The following NRG3 variants were observed in gnomAD, a reference collection of about 807,000 sequenced individuals.
The protein encoded by NRG3 is neuregulin 3.
Under a neutral mutation model 66.9 loss-of-function variants are expected in NRG3, and 31 were observed. The observed-to-expected ratio is 0.46, with a 90% CI of 0.35 to 0.63. The LOEUF (loss-of-function observed/expected upper bound fraction) is 0.63, where lower values mean the gene tolerates loss of function less well. Among genes scored for constraint, NRG3 ranks in the 20% least tolerant of loss-of-function variants. NRG3 has a pLI of 0.00. For synonymous variants in NRG3, 393 were observed against 359.4 expected (o/e 1.09, Z -1.06); for missense variants, 910 against 878.9 (o/e 1.04, Z -0.45).
intron 1 of NRG3, among the ~76,000 whole-genome samples, chr10:82,257,891 AATC>A (rs2077817023): frequency 1.3e-5 from 2 of 152,178 alleles, no homozygotes; most frequent in Non-Finnish European, 2.9e-5. Context: ...GAGTTAGGTA[AATC>A]TAAGTTTAAA....
chr10:82,338,541 T>C (rs550428069), intron 1 of NRG3, among the ~76,000 whole-genome samples: 2 of 152,342 alleles, frequency 1.3e-5, no homozygotes, highest in South Asian at 4.1e-4. Flanking sequence ...ACCCCAGGAA[T>C]CAATACAGTA....
chr10:82,503,347 A>G (rs1406377552), intron 2 of NRG3, among the ~76,000 whole-genome samples: 2 of 152,192 alleles, frequency 1.3e-5, no homozygotes, highest in African/African-American at 4.8e-5. Flanking sequence ...ATCTCAGGAA[A>G]ATCTGGTGAG....
chr10:82,559,531 G>T (rs2044884888), intron 2 of NRG3, among the ~76,000 whole-genome samples: 1 of 152,160 alleles, frequency 6.6e-6, no homozygotes, highest in South Asian at 2.1e-4. Context: ...ATGAAGAGTG[G>T]TCTTAGTATG....
chr10:82,267,934 G>C (rs2078389401), intron 1 of NRG3, among the ~76,000 whole-genome samples: 1 of 152,042 alleles, frequency 6.6e-6, no homozygotes, highest in African/African-American at 2.4e-5. Context: ...TTTCATAGCA[G>C]ATTGGCTGTA....
At position 81,948,258 on chromosome 10, in the gene NRG3, C is replaced by T. The variant is rs185289660; in HGVS notation, c.823+72095C>T. 7.9e-5 allele frequency among the ~76,000 whole-genome samples: 12 copies of T among 152,290 alleles called. No individual in the cohort carries two copies. In the East Asian group the frequency reaches 9.7e-4, roughly 12 times the overall value. ...TGAGGGAAAAGCGAGATTTCCTATA[C>T]AGCCCCTTCCCCTACTCAGGCATAG... On this transcript the variant is annotated intron_variant, in intron 1 of 8. Coordinates refer to ENST00000372141, the MANE Select transcript of NRG3 (RefSeq NM_001010848.4).
At chr10:82,306,472 G>C (rs952999716) in intron 1 of NRG3, among the ~76,000 whole-genome samples, 39 of 152,116 alleles carry the variant, frequency 2.6e-4, no homozygotes, top group African/African-American at 9.4e-4. Flanking sequence ...GGGAGGCCGA[G>C]GCGGGCGGAT....
At chr10:82,747,296 G>A (rs1565271590) in intron 3 of NRG3, among the ~76,000 whole-genome samples, 1 of 151,630 alleles carries the variant, frequency 6.6e-6, no homozygotes, top group South Asian at 2.1e-4. Context: ...ATCTATGAAG[G>A]GCTGTTTAGT....
Position 82,014,031 on chromosome 10 carries a change from A to G in NRG3, c.823+137868A>G, listed in dbSNP as rs2132664962. ...AGCGTTTGGGAGAAATATACAGGATAGTACATGCTTTTCAGGAACTCACAC... is the reference window on the plus strand; with the variant it reads ...AGCGTTTGGGAGAAATATACAGGATGGTACATGCTTTTCAGGAACTCACAC... On this transcript the variant is annotated intron_variant, in intron 1 of 8. Transcript: ENST00000372141. Among the ~76,000 whole-genome samples, 4 of 152,308 alleles carry G rather than the reference A, an allele frequency of 2.6e-5. No individual in the cohort carries two copies. In the East Asian group the frequency reaches 7.7e-4, roughly 29 times the overall value.
chr10:82,663,650 G>A (rs2052540293), intron 2 of NRG3, among the ~76,000 whole-genome samples: 1 of 152,186 alleles, frequency 6.6e-6, no homozygotes, highest in African/African-American at 2.4e-5. Context: ...AGCTCATCAA[G>A]TGTTTGCAGC....
At chr10:82,468,569 C>T (rs779130154) in intron 2 of NRG3, among the ~76,000 whole-genome samples, 3 of 152,206 alleles carry the variant, frequency 2.0e-5, no homozygotes, top group Admixed American at 6.5e-5. Flanking sequence ...TCTATGGATA[C>T]ATTGGCATTG....
chr10:82,036,356 T>C (rs1421374039), intron 1 of NRG3, among the ~76,000 whole-genome samples: 3 of 152,134 alleles, frequency 2.0e-5, no homozygotes, highest in African/African-American at 7.2e-5. Context: ...TGTTAGGCTA[T>C]CTGCTTTCGT....
chr10:82,672,202 A>G (rs1348098730), intron 2 of NRG3, among the ~76,000 whole-genome samples: 1 of 152,146 alleles, frequency 6.6e-6, no homozygotes. Context: ...ACTAGGAAAG[A>G]AATGTTTTAG....
intron 2 of NRG3, among the ~76,000 whole-genome samples, chr10:82,650,842 C>A (rs950586685): frequency 6.6e-6 from 1 of 152,046 alleles, no homozygotes; most frequent in African/African-American, 2.4e-5. Flanking sequence ...GAAGCAGATG[C>A]CAGGGCCCCA....
At chr10:82,408,109 A>C (rs529597948) in intron 2 of NRG3, among the ~76,000 whole-genome samples, 13 of 140,802 alleles carry the variant, frequency 9.2e-5, no homozygotes, top group South Asian at 2.2e-4. Context: ...GAAAGAAAGA[A>C]AGAAAGAAAG....
At chr10:82,429,509 A>C (rs999990684) in intron 2 of NRG3, among the ~76,000 whole-genome samples, 1 of 150,558 alleles carries the variant, frequency 6.6e-6, no homozygotes, top group African/African-American at 2.4e-5. Flanking sequence ...CTTATTGAAG[A>C]CTCCTTGTGT....
At chr10:82,591,676 T>G (rs2133312903) in intron 2 of NRG3, among the ~76,000 whole-genome samples, 1 of 152,330 alleles carries the variant, frequency 6.6e-6, no homozygotes, top group South Asian at 2.1e-4. Context: ...TTAGAGAGGT[T>G]AAGTAACTTT....
chr10:82,264,276 T>C (rs746342042), intron 1 of NRG3, among the ~76,000 whole-genome samples: 30 of 152,186 alleles, frequency 2.0e-4, no homozygotes, highest in Non-Finnish European at 3.8e-4. Flanking sequence ...TTTACAATCA[T>C]GGCCGAAGGC....
intron 3 of NRG3, among the ~76,000 whole-genome samples, chr10:82,835,215 A>T (rs912290158): frequency 6.6e-6 from 1 of 151,988 alleles, no homozygotes; most frequent in Non-Finnish European, 1.5e-5. Flanking sequence ...TTCAGCAAAC[A>T]CCTCTCAATC....
intron 3 of NRG3, among the ~76,000 whole-genome samples, chr10:82,793,313 A>G (rs1219364902): frequency 6.6e-6 from 1 of 151,962 alleles, no homozygotes; most frequent in Non-Finnish European, 1.5e-5. Flanking sequence ...TTTTCTCCCT[A>G]CCATTTCTTG....
Sources: gnomAD v4.1 joint callset for allele counts (sites outside exome capture counted in the v4.1 genomes callset) on GRCh38, gnomAD v4.1.1 for gene constraint, MANE v1.5 for transcripts, NCBI Gene and HGNC (gene_info 2026-07-23, HGNC 2026-07-21) for gene names.